CAMKMT: variants seen among roughly 807,000 people sequenced by gnomAD.
CAMKMT encodes the protein calmodulin-lysine N-methyltransferase.
In CAMKMT, 53 loss-of-function variants were observed where a neutral mutation model predicts 48.0. The ratio of observed to expected loss-of-function variants is 1.10; its 90% confidence interval spans 0.89 to 1.39. The LOEUF (loss-of-function observed/expected upper bound fraction) is 1.39, where lower values mean the gene tolerates loss of function less well. CAMKMT is among the 40% of genes most tolerant of loss of function. The pLI is 0.00. For synonymous variants in CAMKMT, 165 were observed against 152.3 expected, an observed-to-expected ratio of 1.08 and a Z score of -0.61; for missense variants, 428 against 402.7, an observed-to-expected ratio of 1.06 and a Z score of -0.54.
Position 44,594,666 on chromosome 2 carries a change from A to G in CAMKMT, c.377-109617A>G, listed in dbSNP as rs543900875. On this transcript the variant is annotated intron_variant, in intron 3 of 10. Transcript: ENST00000378494. ...CACCTTAGACAAAAATTAACTCAAG[A>G]TGGATTAAAGACTTAAATGTAAGAC... Among the ~76,000 whole-genome samples, 208 of 152,322 alleles carry G rather than the reference A, an allele frequency of 1.4e-3. 1 individual carries two copies. The highest frequency in any genetic ancestry group is 3.4e-3 in the Middle Eastern group (1 of 294).
intron 3 of CAMKMT, among the ~76,000 whole-genome samples, chr2:44,649,483 A>G (rs1022524815): frequency 6.6e-6 from 1 of 152,098 alleles, no homozygotes; most frequent in Admixed American, 6.6e-5. Flanking sequence ...TACTGAGGTC[A>G]GTCTGAGGGA....
chr2:44,396,534 A>G (rs940458829), intron 3 of CAMKMT, among the ~76,000 whole-genome samples: 4 of 152,102 alleles, frequency 2.6e-5, no homozygotes. Context: ...TGAAGGAATG[A>G]TTTTTAAAAG....
At chr2:44,542,687 G>A (rs1159132395) in intron 3 of CAMKMT, among the ~76,000 whole-genome samples, 1 of 152,186 alleles carries the variant, frequency 6.6e-6, no homozygotes, top group Non-Finnish European at 1.5e-5. Flanking sequence ...AGAAGGAAGA[G>A]GGAGAGGGGA....
chr2:44,714,874 C>G (rs1038658163), intron 6 of CAMKMT, among the ~76,000 whole-genome samples: 9 of 152,150 alleles, frequency 5.9e-5, no homozygotes, highest in African/African-American at 2.2e-4. Context: ...CAGCTCTTCT[C>G]CTTTCGCTGT....
chr2:44,453,160 T>C (rs1667381806), intron 3 of CAMKMT, among the ~76,000 whole-genome samples: 1 of 151,964 alleles, frequency 6.6e-6, no homozygotes, highest in South Asian at 2.1e-4. Flanking sequence ...TGTAATTCAA[T>C]CATCTATTAT....
At chr2:44,440,217 A>G (rs1216296733) in intron 3 of CAMKMT, among the ~76,000 whole-genome samples, 1 of 152,354 alleles carries the variant, frequency 6.6e-6, no homozygotes, top group East Asian at 1.9e-4. Context: ...AGTGCAGCCC[A>G]TGATTTCCTT....
chr2:44,629,166 T>A (rs929093273), intron 3 of CAMKMT, among the ~76,000 whole-genome samples: 2 of 152,222 alleles, frequency 1.3e-5, no homozygotes, highest in Non-Finnish European at 2.9e-5. Flanking sequence ...TGTTTATTTC[T>A]ATCAGCTTCT....
At chr2:44,655,881 A>G (rs1674351836) in intron 3 of CAMKMT, among the ~76,000 whole-genome samples, 1 of 152,194 alleles carries the variant, frequency 6.6e-6, no homozygotes, top group South Asian at 2.1e-4. Flanking sequence ...GTAGGACCTC[A>G]TTTACCATGT....
chr2:44,671,387 A>C (rs1489136973), intron 3 of CAMKMT, among the ~76,000 whole-genome samples: 1 of 152,250 alleles, frequency 6.6e-6, no homozygotes, highest in Non-Finnish European at 1.5e-5. Context: ...GGGTAACAGG[A>C]ATACACTGCA....
chr2:44,569,835 A>G (rs1196756105), intron 3 of CAMKMT, among the ~76,000 whole-genome samples: 2 of 152,220 alleles, frequency 1.3e-5, no homozygotes, highest in African/African-American at 4.8e-5. Flanking sequence ...AAAATGGCAT[A>G]TCAGTCTGAT....
At chr2:44,545,420 T>C (rs1425469142) in intron 3 of CAMKMT, among the ~76,000 whole-genome samples, 2 of 152,228 alleles carry the variant, frequency 1.3e-5, no homozygotes, top group African/African-American at 4.8e-5. Context: ...TTACTAGGCA[T>C]TGAGAACATC....
chr2:44,501,612 T>C (rs1670010064), intron 3 of CAMKMT, among the ~76,000 whole-genome samples: 1 of 152,198 alleles, frequency 6.6e-6, no homozygotes, highest in Non-Finnish European at 1.5e-5. Flanking sequence ...ATGCCTTTTG[T>C]CCTATTAAAA....
chr2:44,719,688 C>T (rs748565238), intron 7 of CAMKMT, among the ~76,000 whole-genome samples: 2 of 152,160 alleles, frequency 1.3e-5, no homozygotes. Flanking sequence ...AAGTCAAGCT[C>T]TAGAGAATCA....
intron 3 of CAMKMT, among the ~76,000 whole-genome samples, chr2:44,543,274 G>A (rs1667228879): frequency 6.6e-6 from 1 of 152,136 alleles, no homozygotes; most frequent in South Asian, 2.1e-4. Flanking sequence ...GCCTTTTAGA[G>A]CCTCTATTTC....
intron 3 of CAMKMT, among the ~76,000 whole-genome samples, chr2:44,432,358 A>T (rs1036822800): frequency 1.3e-5 from 2 of 152,142 alleles, no homozygotes; most frequent in Non-Finnish European, 2.9e-5. Flanking sequence ...GGAAACTCTC[A>T]ACCCCTGACC....
At chr2:44,421,503 A>G (rs960323037) in intron 3 of CAMKMT, among the ~76,000 whole-genome samples, 2 of 152,188 alleles carry the variant, frequency 1.3e-5, no homozygotes, top group African/African-American at 4.8e-5. Flanking sequence ...AAACACATTA[A>G]AAGATGACAT....
chr2:44,713,216 A>G (rs779278525), intron 6 of CAMKMT, among the ~76,000 whole-genome samples: 3 of 152,186 alleles, frequency 2.0e-5, no homozygotes, highest in Admixed American at 6.6e-5. Context: ...GAGTTATATA[A>G]TTTAACTTCC....
intron 3 of CAMKMT, among the ~76,000 whole-genome samples, chr2:44,667,213 A>T (rs960163360): frequency 1.3e-5 from 2 of 152,180 alleles, no homozygotes; most frequent in African/African-American, 4.8e-5. Context: ...CTTAGCTTCT[A>T]GCTAAAGTCT....
Position 44,754,117 on chromosome 2 carries a change from G to A in CAMKMT, c.761G>A (p.Arg254Lys). The A allele has an allele frequency of 6.2e-7, 1 of 1,612,498 alleles. No individual in the cohort carries two copies. The highest frequency in any genetic ancestry group is 1.1e-5 in the South Asian group (1 of 91,038). ...GCAATAAAGAGATTACTCCAGCCCA[G>A]GGTAAGTATGTTTCTATTTTCTCCT... ...VDAIKRLLQPRGKAMVFAPRR... is the reference protein window; with the variant it reads ...VDAIKRLLQPKGKAMVFAPRR... The change falls in exon 9 of 11, where the codon AGG becomes AAG. Residue 254 changes from arginine to lysine, a missense_variant and splice_region_variant. Arg to Lys is a conservative substitution (Grantham distance 26, BLOSUM62 2). Coordinates refer to ENST00000378494, the MANE Select transcript of CAMKMT (RefSeq NM_024766.5).
Sources: gnomAD v4.1 joint callset for allele counts (sites outside exome capture counted in the v4.1 genomes callset) on GRCh38, gnomAD v4.1.1 for gene constraint, MANE v1.5 for transcripts, NCBI Gene and HGNC (gene_info 2026-07-23, HGNC 2026-07-21) for gene names.